Variants in IGSF10 observed in about 807,000 individuals in gnomAD.
IGSF10 encodes immunoglobulin superfamily member 10, also known as calvaria mechanical force protein 608.
Under a neutral mutation model 128.2 loss-of-function variants are expected in IGSF10, and 126 were observed. The ratio of observed to expected loss-of-function variants is 0.98; its 90% CI spans 0.85 to 1.14. The LOEUF (loss-of-function observed/expected upper bound fraction) is 1.14, where lower values mean the gene tolerates loss of function less well. Ranked by LOEUF, IGSF10 falls within the 50% of genes most tolerant of loss-of-function variation. The probability of loss-of-function intolerance (pLI) is 0.00; values close to 1 mark genes in which losing one functional copy is unlikely to be tolerated. For synonymous variants in IGSF10, 1,185 were observed against 1,146.2 expected, an observed-to-expected ratio of 1.03 and a Z score of -0.68; for missense variants, 3,295 against 3,149.8, an observed-to-expected ratio of 1.05 and a Z score of -1.10.
At chr3:151,529,649 A>G in the IGSF10 span, among the ~76,000 whole-genome samples, 2 of 152,198 alleles carry the variant, frequency 1.3e-5, no homozygotes, top group Non-Finnish European at 2.9e-5. Flanking sequence ...ACAAACAGAA[A>G]GGAATAGTAT....
At chr3:151,553,113 T>G in the IGSF10 span, among the ~76,000 whole-genome samples, 1 of 152,130 alleles carries the variant, frequency 6.6e-6, no homozygotes, top group Non-Finnish European at 1.5e-5. Flanking sequence ...TAATACAAAG[T>G]AGAAACTCAT....
At chr3:151,507,389 G>A in the IGSF10 span, among the ~76,000 whole-genome samples, 1 of 152,122 alleles carries the variant, frequency 6.6e-6, no homozygotes, top group Non-Finnish European at 1.5e-5. Context: ...AAATCTTAGA[G>A]TCATGTTATA....
At chr3:151,546,911 C>T in the IGSF10 span, among the ~76,000 whole-genome samples, 12 of 152,226 alleles carry the variant, frequency 7.9e-5, no homozygotes, top group Admixed American at 6.5e-4. Flanking sequence ...GCTGGTATTA[C>T]AGGCAACTGC....
the IGSF10 span, among the ~76,000 whole-genome samples, chr3:151,506,394 A>G: frequency 6.6e-6 from 1 of 152,264 alleles, no homozygotes; most frequent in African/African-American, 2.4e-5. Context: ...TAAAAGGAAC[A>G]CCCTGTTAAA....
chr3:151,560,198 C>A, the IGSF10 span, among the ~76,000 whole-genome samples: 2 of 152,056 alleles, frequency 1.3e-5, no homozygotes, highest in Non-Finnish European at 1.5e-5. Flanking sequence ...AAATTTTTAT[C>A]TATAAAGGAA....
At chr3:151,521,235 A>G in the IGSF10 span, among the ~76,000 whole-genome samples, 1 of 151,976 alleles carries the variant, frequency 6.6e-6, no homozygotes, top group Non-Finnish European at 1.5e-5. Flanking sequence ...GTTCTTAGAG[A>G]CCTACAGAGA....
At position 151,447,116 on chromosome 3, in the gene IGSF10, C is replaced by T; in HGVS notation, c.2865G>A (p.Gln955=). ...LESVNTTNSH[Q]TSVREVSEPR... is the part of the protein sequence containing the mutation. ...GTTCACTCACTTCTCTTACAGATGT[C>T]TGATGACTATTTGTGGTATTTACTG... Residue 955 remains glutamine, a synonymous_variant, in exon 6 of 8, where the codon CAG becomes CAA. Transcript: ENST00000282466. 6.2e-7 allele frequency: 1 copy of T among 1,614,178 alleles called. No individual in the cohort carries two copies. The highest frequency in any genetic ancestry group is 2.2e-5 in the East Asian group (1 of 44,878).
downstream of IGSF10, chr3:151,432,824 A>C (rs761511914): frequency 1.9e-6 from 3 of 1,597,858 alleles, no homozygotes; most frequent in East Asian, 2.2e-5. Context: ...AGGAGAAGAC[A>C]TGACGTTTTA....
the IGSF10 span, among the ~76,000 whole-genome samples, chr3:151,524,619 G>T: frequency 6.6e-6 from 1 of 152,136 alleles, no homozygotes; most frequent in Non-Finnish European, 1.5e-5. Context: ...AGACACTGTG[G>T]TCTACTTGAG....
chr3:151,510,413 G>T, the IGSF10 span, among the ~76,000 whole-genome samples: 1 of 152,148 alleles, frequency 6.6e-6, no homozygotes, highest in Non-Finnish European at 1.5e-5. Context: ...GGTCCTGACT[G>T]GTAGAAGGAA....
chr3:151,433,007 A>C (rs1465481460), downstream of IGSF10: 3 of 531,096 alleles, frequency 5.6e-6, no homozygotes, highest in Non-Finnish European at 1.0e-5. Flanking sequence ...TGTTGAATTC[A>C]CCTTTAAAGT....
the IGSF10 span, among the ~76,000 whole-genome samples, chr3:151,484,025 G>A: frequency 9.7e-4 from 147 of 152,316 alleles, no homozygotes; most frequent in African/African-American, 3.4e-3. Flanking sequence ...CCACCTCCAC[G>A]GAGCCAAGCA....
chr3:151,491,885 A>AAACCTTC, the IGSF10 span, among the ~76,000 whole-genome samples: 1 of 152,196 alleles, frequency 6.6e-6, no homozygotes, highest in Admixed American at 6.6e-5. Context: ...ATTGATATAA[A>AAACCTTC]AACCTTCAAT....
the IGSF10 span, among the ~76,000 whole-genome samples, chr3:151,484,499 G>A: frequency 6.6e-6 from 1 of 152,146 alleles, no homozygotes; most frequent in African/African-American, 2.4e-5. Flanking sequence ...TGTGTATCCT[G>A]ACTGGGAGAC....
the IGSF10 span, among the ~76,000 whole-genome samples, chr3:151,491,392 CATG>C: frequency 3.3e-5 from 5 of 152,048 alleles, no homozygotes; most frequent in African/African-American, 1.2e-4. Context: ...ACCTGGCCAA[CATG>C]ATGAGACCCC....
the IGSF10 span, among the ~76,000 whole-genome samples, chr3:151,523,248 A>C: frequency 6.6e-6 from 1 of 152,322 alleles, no homozygotes; most frequent in East Asian, 1.9e-4. Context: ...TGCCCAAAGC[A>C]ACTCATAGGT....
Position 151,443,408 on chromosome 3 carries a change from G to A in IGSF10, c.5539C>T (p.Gln1847Ter). ...GTGCCTACAATGACTTGCCTCCTTT[G>A]CTCTAGAATAACAGGTGGTGCTGCA... ...VIAAPPVILE[Q>*]RRQVIVGTWG... is the part of the protein sequence containing the mutation. Residue 1847 changes from glutamine (Q) to a stop codon, truncating the protein, a stop_gained, in exon 7 of 8, where the codon CAA (glutamine) becomes TAA (stop). Transcript: ENST00000282466. LOFTEE classifies it high-confidence loss of function. 6.2e-7 allele frequency: 1 copy of A among 1,614,200 alleles called. No homozygotes were observed. The highest frequency in any genetic ancestry group is 8.5e-7 in the Non-Finnish European group (1 of 1,180,050).
the IGSF10 span, among the ~76,000 whole-genome samples, chr3:151,578,353 C>T: frequency 6.6e-6 from 1 of 152,074 alleles, no homozygotes; most frequent in Admixed American, 6.5e-5. Context: ...TCTGTGGTTA[C>T]AATACAAAAG....
At chr3:151,589,078 T>A in the IGSF10 span, among the ~76,000 whole-genome samples, 24 of 152,184 alleles carry the variant, frequency 1.6e-4, no homozygotes, top group Non-Finnish European at 3.2e-4. Context: ...AAATGACATA[T>A]AAATTAACAC....
Sources: allele counts gnomAD v4.1 joint callset (sites outside exome capture counted in the v4.1 genomes callset), GRCh38; gene constraint gnomAD v4.1.1; transcripts MANE v1.5; gene names NCBI Gene and HGNC (gene_info 2026-07-23, HGNC 2026-07-21).